The following CLSTN2 variants were observed in gnomAD, a reference collection of about 807,000 sequenced individuals.
CLSTN2 encodes the protein calsyntenin-2.
CLSTN2 carries 48 observed loss-of-function variants against 101.2 expected under a neutral mutation model. That is an observed-to-expected ratio of 0.47 (90% CI 0.38 to 0.60). The LOEUF is 0.60. Among genes scored for constraint, CLSTN2 ranks in the 20% least tolerant of loss-of-function variants. The probability of loss-of-function intolerance (pLI) is 0.00; values close to 1 mark genes in which losing one functional copy is unlikely to be tolerated. For synonymous variants in CLSTN2, 481 were observed against 463.6 expected (o/e 1.04, Z -0.48); for missense variants, 1,160 against 1,238.2 (o/e 0.94, Z 0.95).
intron 2 of CLSTN2, among the ~76,000 whole-genome samples, chr3:140,300,843 A>G (rs747366054): frequency 3.3e-5 from 5 of 152,138 alleles, no homozygotes; most frequent in Non-Finnish European, 7.4e-5. Context: ...TACTATGAAG[A>G]ACTGACTTAC....
chr3:140,023,782 C>T (rs1473479082), intron 1 of CLSTN2, among the ~76,000 whole-genome samples: 1 of 152,180 alleles, frequency 6.6e-6, no homozygotes, highest in Non-Finnish European at 1.5e-5. Flanking sequence ...GCATTTTCAC[C>T]TCCCCGCTTC....
intron 1 of CLSTN2, among the ~76,000 whole-genome samples, chr3:140,150,289 G>A (rs1211321519): frequency 6.6e-6 from 1 of 152,184 alleles, no homozygotes; most frequent in Non-Finnish European, 1.5e-5. Context: ...TGTGGAATCA[G>A]AAATGAGTTC....
intron 1 of CLSTN2, among the ~76,000 whole-genome samples, chr3:140,114,110 C>T (rs538380425): frequency 6.6e-6 from 1 of 152,210 alleles, no homozygotes; most frequent in Admixed American, 6.5e-5. Flanking sequence ...CCTTGCCTTG[C>T]CCATAAGGCT....
At chr3:139,987,924 G>A (rs142242728) in intron 1 of CLSTN2, among the ~76,000 whole-genome samples, 9 of 152,150 alleles carry the variant, frequency 5.9e-5, no homozygotes, top group South Asian at 2.1e-4. Context: ...CCACAGTGAC[G>A]AGACAAGACA....
chr3:140,076,625 G>GCTT (rs2008494901), intron 1 of CLSTN2, among the ~76,000 whole-genome samples: 1 of 38,062 alleles, frequency 2.6e-5, no homozygotes, highest in African/African-American at 1.1e-4. Context: ...CACCAGCAGT[G>GCTT]TTTTTTTTTT....
At chr3:140,179,462 CAATAAT>C (rs1472416482) in intron 2 of CLSTN2, among the ~76,000 whole-genome samples, 1 of 150,062 alleles carries the variant, frequency 6.7e-6, no homozygotes, top group Admixed American at 6.7e-5. Flanking sequence ...TACAAAATAA[CAATAAT>C]AATAATAATT....
chr3:140,491,584 G>A (rs1934352575), intron 8 of CLSTN2, among the ~76,000 whole-genome samples: 1 of 152,246 alleles, frequency 6.6e-6, no homozygotes, highest in Admixed American at 6.5e-5. Context: ...CACTTTGGGA[G>A]GCCAAGGCGG....
chr3:140,257,256 C>T (rs1159338769), intron 2 of CLSTN2, among the ~76,000 whole-genome samples: 1 of 152,098 alleles, frequency 6.6e-6, no homozygotes, highest in Non-Finnish European at 1.5e-5. Flanking sequence ...CTCTGGAGAT[C>T]ATTTAGGGGA....
intron 12 of CLSTN2, among the ~76,000 whole-genome samples, chr3:140,559,856 T>A (rs1935874889): frequency 6.6e-6 from 1 of 152,146 alleles, no homozygotes. Context: ...AGACAGCCCT[T>A]CTTAGCTCAT....
At chr3:140,129,602 A>G (rs1483826672) in intron 1 of CLSTN2, among the ~76,000 whole-genome samples, 1 of 152,220 alleles carries the variant, frequency 6.6e-6, no homozygotes, top group Non-Finnish European at 1.5e-5. Flanking sequence ...TAGGTTAAAG[A>G]TAAGGACTGT....
intron 8 of CLSTN2, among the ~76,000 whole-genome samples, chr3:140,510,038 T>C (rs1371239775): frequency 6.6e-6 from 1 of 152,240 alleles, no homozygotes; most frequent in Non-Finnish European, 1.5e-5. Context: ...CTCAGAACAC[T>C]TACATTAGCC....
intron 2 of CLSTN2, among the ~76,000 whole-genome samples, chr3:140,375,072 T>A (rs1250995716): frequency 6.6e-6 from 1 of 152,216 alleles, no homozygotes; most frequent in African/African-American, 2.4e-5. Context: ...TATGTATGGA[T>A]GGACAATGCT....
intron 8 of CLSTN2, among the ~76,000 whole-genome samples, chr3:140,476,478 C>T (rs923940841): frequency 2.0e-5 from 3 of 152,162 alleles, no homozygotes; most frequent in Non-Finnish European, 4.4e-5. Context: ...GACCTCAAAA[C>T]ATACGTACTC....
chr3:140,002,193 A>G (rs1170353000), intron 1 of CLSTN2, among the ~76,000 whole-genome samples: 2 of 152,150 alleles, frequency 1.3e-5, no homozygotes, highest in Non-Finnish European at 2.9e-5. Flanking sequence ...CCAACAGTGT[A>G]CAAGCATTTT....
intron 2 of CLSTN2, among the ~76,000 whole-genome samples, chr3:140,247,837 CCA>C (rs966901659): frequency 6.6e-6 from 1 of 152,128 alleles, no homozygotes; most frequent in African/African-American, 2.4e-5. Flanking sequence ...ATTCCTCACC[CCA>C]GTTAATAAAT....
intron 1 of CLSTN2, among the ~76,000 whole-genome samples, chr3:139,972,920 A>G (rs1048167279): frequency 1.3e-5 from 2 of 152,236 alleles, no homozygotes; most frequent in Non-Finnish European, 2.9e-5. Flanking sequence ...TTTTTGGCTC[A>G]GAATTTTTTC....
At chr3:140,159,994 C>G (rs1040467542) in intron 1 of CLSTN2, among the ~76,000 whole-genome samples, 1 of 151,900 alleles carries the variant, frequency 6.6e-6, no homozygotes, top group African/African-American at 2.4e-5. Flanking sequence ...ACAATAGATA[C>G]TATGGACTAC....
intron 2 of CLSTN2, among the ~76,000 whole-genome samples, chr3:140,302,060 A>G (rs562534059): frequency 6.6e-6 from 1 of 152,350 alleles, no homozygotes; most frequent in African/African-American, 2.4e-5. Flanking sequence ...TGTGGCTTCT[A>G]TGCTGTTATG....
intron 1 of CLSTN2, among the ~76,000 whole-genome samples, chr3:140,115,981 T>C (rs1177204346): frequency 1.3e-5 from 2 of 152,216 alleles, no homozygotes; most frequent in African/African-American, 4.8e-5. Flanking sequence ...CTGGGTTTGC[T>C]GTCCCGGAGC....
Sources: allele counts gnomAD v4.1 joint callset (sites outside exome capture counted in the v4.1 genomes callset), GRCh38; gene constraint gnomAD v4.1.1; transcripts MANE v1.5; gene names NCBI Gene and HGNC (gene_info 2026-07-23, HGNC 2026-07-21).